Variants in CA10 observed in about 807,000 individuals in gnomAD.
The protein encoded by CA10 is carbonic anhydrase-related protein 10.
Under a neutral mutation model 44.2 loss-of-function variants are expected in CA10, and 14 were observed. The ratio of observed to expected loss-of-function variants is 0.32; its 90% CI spans 0.21 to 0.50. The LOEUF (loss-of-function observed/expected upper bound fraction) is 0.50, where lower values mean the gene tolerates loss of function less well. CA10 is among the 20% of genes least tolerant of loss of function. The probability of loss-of-function intolerance (pLI) is 0.99; values close to 1 mark genes in which losing one functional copy is unlikely to be tolerated. For synonymous variants in CA10, 159 were observed against 141.6 expected (o/e 1.12, Z -0.87); for missense variants, 350 against 409.7 (o/e 0.85, Z 1.26).
chr17:52,004,900 G>T (rs920211207), intron 2 of CA10, among the ~76,000 whole-genome samples: 14 of 151,846 alleles, frequency 9.2e-5, no homozygotes, highest in African/African-American at 3.4e-4. Context: ...AGCCTCTGAA[G>T]AAATTTGCTA....
chr17:51,799,041 T>G (rs1233712910), intron 3 of CA10, among the ~76,000 whole-genome samples: 2 of 152,156 alleles, frequency 1.3e-5, no homozygotes, highest in Non-Finnish European at 2.9e-5. Flanking sequence ...CTCTGAAAGC[T>G]TTCTTCTGAA....
At chr17:51,757,882 A>G (rs1350595990) in intron 3 of CA10, among the ~76,000 whole-genome samples, 3 of 151,936 alleles carry the variant, frequency 2.0e-5, no homozygotes, top group Non-Finnish European at 4.4e-5. Context: ...TTTGCAATGC[A>G]TCTTTGAAAG....
At chr17:51,913,608 G>C (rs1348115995) in intron 3 of CA10, among the ~76,000 whole-genome samples, 1 of 152,138 alleles carries the variant, frequency 6.6e-6, no homozygotes, top group African/African-American at 2.4e-5. Flanking sequence ...GGGAGTAGCT[G>C]TGTCATGTTT....
chr17:52,098,852 C>T (rs1988468128), intron 1 of CA10, among the ~76,000 whole-genome samples: 1 of 152,190 alleles, frequency 6.6e-6, no homozygotes, highest in Non-Finnish European at 1.5e-5. Context: ...CTCTAAGACA[C>T]ATCTTTACAA....
intron 1 of CA10, among the ~76,000 whole-genome samples, chr17:52,089,571 T>C (rs1250574739): frequency 6.6e-6 from 1 of 152,146 alleles, no homozygotes; most frequent in Non-Finnish European, 1.5e-5. Flanking sequence ...GCCTGAAGTC[T>C]CAGATAGCTG....
At chr17:51,808,542 C>T (rs1317934793) in intron 3 of CA10, among the ~76,000 whole-genome samples, 2 of 152,008 alleles carry the variant, frequency 1.3e-5, no homozygotes, top group Non-Finnish European at 2.9e-5. Flanking sequence ...ACTCCTTGTC[C>T]CTAGAAAAGC....
intron 3 of CA10, among the ~76,000 whole-genome samples, chr17:51,818,813 T>C (rs1907663705): frequency 1.3e-5 from 2 of 152,222 alleles, no homozygotes; most frequent in African/African-American, 2.4e-5. Flanking sequence ...AGCTTCTCCA[T>C]GTGTAAAACA....
chr17:51,857,743 C>T (rs1032195304), intron 3 of CA10, among the ~76,000 whole-genome samples: 1 of 152,166 alleles, frequency 6.6e-6, no homozygotes, highest in South Asian at 2.1e-4. Context: ...TCTTTACGAT[C>T]TGAATGACAT....
chr17:52,015,803 G>A (rs1985950133), intron 2 of CA10, among the ~76,000 whole-genome samples: 1 of 152,142 alleles, frequency 6.6e-6, no homozygotes, highest in Admixed American at 6.6e-5. Flanking sequence ...CCACTGTTAA[G>A]AATTTCTGTG....
chr17:51,696,380 TG>T (rs1276159936), intron 4 of CA10, among the ~76,000 whole-genome samples: 1 of 152,178 alleles, frequency 6.6e-6, no homozygotes, highest in Non-Finnish European at 1.5e-5. Flanking sequence ...CGTTTAATCT[TG>T]GGAGGTTGCG....
intron 4 of CA10, among the ~76,000 whole-genome samples, chr17:51,718,959 T>G (rs1260601321): frequency 6.6e-6 from 1 of 152,322 alleles, no homozygotes; most frequent in Admixed American, 6.5e-5. Context: ...ATACCTCTAC[T>G]TATAGCACAG....
chr17:51,722,830 A>T (rs1200563754), intron 4 of CA10, among the ~76,000 whole-genome samples: 1 of 152,214 alleles, frequency 6.6e-6, no homozygotes, highest in East Asian at 1.9e-4. Context: ...TGAAGCCTGG[A>T]TCAGGAAGTG....
At chr17:52,123,221 T>G (rs2143323315) in intron 1 of CA10, among the ~76,000 whole-genome samples, 1 of 152,220 alleles carries the variant, frequency 6.6e-6, no homozygotes, top group South Asian at 2.1e-4. Context: ...AATATTAACT[T>G]AAAAGAGTGA....
At chr17:51,659,441 C>A (rs1486667126) in intron 4 of CA10, among the ~76,000 whole-genome samples, 1 of 152,156 alleles carries the variant, frequency 6.6e-6, no homozygotes, top group African/African-American at 2.4e-5. Flanking sequence ...CCAATTCCCA[C>A]AATAAATCTC....
intron 2 of CA10, among the ~76,000 whole-genome samples, chr17:52,056,117 A>G (rs973798915): frequency 2.0e-5 from 3 of 152,058 alleles, no homozygotes; most frequent in Admixed American, 1.3e-4. Context: ...TTAGGAGGTG[A>G]CATGAGGAAG....
chr17:51,950,754 G>C (rs184624773), intron 2 of CA10, among the ~76,000 whole-genome samples: 5 of 152,092 alleles, frequency 3.3e-5, no homozygotes, highest in African/African-American at 1.2e-4. Context: ...CATGCCATCT[G>C]TTTCTTCCCA....
chr17:52,133,090 T>C (rs1255044304), intron 1 of CA10, among the ~76,000 whole-genome samples: 1 of 152,214 alleles, frequency 6.6e-6, no homozygotes, highest in Non-Finnish European at 1.5e-5. Context: ...ATGGAGCTGC[T>C]TCACTGCCCT....
chr17:52,105,820 T>C (rs1988650062), intron 1 of CA10, among the ~76,000 whole-genome samples: 1 of 152,180 alleles, frequency 6.6e-6, no homozygotes, highest in South Asian at 2.1e-4. Flanking sequence ...TCCAGGCCTG[T>C]GACTTTGGGC....
At chr17:51,820,413 C>CCT (rs1907732844) in intron 3 of CA10, among the ~76,000 whole-genome samples, 1 of 96,372 alleles carries the variant, frequency 1.0e-5, no homozygotes, top group African/African-American at 4.5e-5. Context: ...CTACCCCCCC[C>CCT]CCCCCGCCCG....
Sources: allele counts gnomAD v4.1 joint callset (sites outside exome capture counted in the v4.1 genomes callset), GRCh38; gene constraint gnomAD v4.1.1; transcripts MANE v1.5; gene names NCBI Gene and HGNC (gene_info 2026-07-23, HGNC 2026-07-21).